ARAP2: variants seen among roughly 807,000 people sequenced by gnomAD.
The protein encoded by ARAP2 is arf-GAP with Rho-GAP domain, ANK repeat and PH domain-containing protein 2.
Under a neutral mutation model 194.5 loss-of-function variants are expected in ARAP2, and 148 were observed. The ratio of observed to expected loss-of-function variants is 0.76; its 90% confidence interval spans 0.67 to 0.87. The LOEUF (loss-of-function observed/expected upper bound fraction) is 0.87, where lower values mean the gene tolerates loss of function less well. Ranked by LOEUF, ARAP2 falls within the 40% of genes least tolerant of loss-of-function variation. The pLI is 0.00. For missense variants in ARAP2, 2,128 were observed against 1,989.7 expected (o/e 1.07, Z -1.32); for synonymous variants, 695 against 683.5 (o/e 1.02, Z -0.26).
chr4:36,210,809 T>C, intron 5 of ARAP2, 66 bp from the exon 6 acceptor site: 1 of 1,172,760 alleles, frequency 8.5e-7, no homozygotes, highest in Non-Finnish European at 1.2e-6. Context: ...AGTGACATTT[T>C]GAAAATTTAT....
At chr4:36,214,768 C>G (rs780629308) in intron 2 of ARAP2, among the ~76,000 whole-genome samples, 1 of 152,136 alleles carries the variant, frequency 6.6e-6, no homozygotes, top group African/African-American at 2.4e-5. Context: ...GTTTGCTACT[C>G]ACATCTATAA....
At chr4:36,145,921 C>A (rs768392533) in intron 19 of ARAP2, among the ~76,000 whole-genome samples, 1 of 151,916 alleles carries the variant, frequency 6.6e-6, no homozygotes, top group Non-Finnish European at 1.5e-5. Context: ...CAGATACAAC[C>A]TCTTCACTTA....
At chr4:36,063,796 A>G (rs1009579135), downstream of ARAP2, among the ~76,000 whole-genome samples, 1 of 152,192 alleles carries the variant, frequency 6.6e-6, no homozygotes, top group African/African-American at 2.4e-5. Flanking sequence ...AGTTCATTTG[A>G]GTAAGGAAGA....
intron 5 of ARAP2, among the ~76,000 whole-genome samples, chr4:36,019,527 T>G (rs990983054): frequency 1.1e-4 from 16 of 149,182 alleles, no homozygotes; most frequent in Non-Finnish European, 7.3e-5. Flanking sequence ...GATACAATTC[T>G]CCTCATCTTA....
At chr4:36,057,971 T>C (rs1157095480) in exon 2 of ARAP2, 1 of 151,554 alleles carries the variant, frequency 6.6e-6, no homozygotes, top group Non-Finnish European at 1.5e-5. Flanking sequence ...AGGATTTACC[T>C]TTCCATCTTC....
chr4:36,040,247 T>C (rs1560305529), intron 5 of ARAP2, among the ~76,000 whole-genome samples: 1 of 151,882 alleles, frequency 6.6e-6, no homozygotes, highest in Non-Finnish European at 1.5e-5. Flanking sequence ...GGCAAGAGAG[T>C]GGGATGAGCA....
At chr4:36,207,767 G>T (rs1471446983) in intron 6 of ARAP2, among the ~76,000 whole-genome samples, 1 of 151,782 alleles carries the variant, frequency 6.6e-6, no homozygotes, top group Non-Finnish European at 1.5e-5. Flanking sequence ...GTCTTTAAGG[G>T]GGAAACAATT....
At chr4:36,050,188 G>A (rs758282650) in intron 3 of ARAP2, among the ~76,000 whole-genome samples, 1 of 152,138 alleles carries the variant, frequency 6.6e-6, no homozygotes, top group Admixed American at 6.5e-5. Context: ...CCACAACAGT[G>A]TAATTATCCA....
chr4:36,035,855 T>G (rs924581569), intron 5 of ARAP2, among the ~76,000 whole-genome samples: 1 of 152,190 alleles, frequency 6.6e-6, no homozygotes, highest in South Asian at 2.1e-4. Context: ...TTTTTCCATA[T>G]GTCTGTCCAT....
At chr4:36,157,474 T>C (rs986947645) in intron 15 of ARAP2, 13 of 152,014 alleles carry the variant, frequency 8.6e-5, no homozygotes, top group Non-Finnish European at 1.9e-4. Flanking sequence ...ACCAAAAACA[T>C]CTAATTCAAA....
intron 27 of ARAP2, among the ~76,000 whole-genome samples, chr4:36,097,488 T>C (rs1715628273): frequency 6.6e-6 from 1 of 152,092 alleles, no homozygotes; most frequent in Non-Finnish European, 1.5e-5. Flanking sequence ...GGTCATGAAT[T>C]GAATGGCTTC....
chr4:36,067,113 G>C lies in ARAP2; in HGVS notation c.*794C>G, dbSNP rs1483561157. 2.0e-5 allele frequency: 3 copies of C among 152,260 alleles called. No individual in the cohort carries two copies. The East Asian group carries it at 5.8e-4, about 29-fold the overall frequency. 9.4% of individuals were successfully genotyped at this position (152,260 alleles called of 1,614,324 possible). On this transcript the variant is annotated 3_prime_UTR_variant, in exon 33 of 33. Coordinates refer to ENST00000303965, the MANE Select transcript of ARAP2 (RefSeq NM_015230.4). ...CTGTGTACACAACCTCTCCAATGCA[G>C]TGTAAGTTTCCTCTTAGCAGCCACC...
At chr4:36,014,336 A>AAGAG (rs200492604) in intron 8 of ARAP2, among the ~76,000 whole-genome samples, 6,027 of 85,616 alleles carry the variant, frequency 0.07, 754 homozygotes, top group African/African-American at 0.22. Context: ...GAAAGAAAGA[A>AAGAG]AGAAAGAAAG....
intron 27 of ARAP2, among the ~76,000 whole-genome samples, chr4:36,098,367 G>C (rs983752412): frequency 1.2e-4 from 18 of 151,818 alleles, no homozygotes; most frequent in African/African-American, 3.4e-4. Flanking sequence ...CTAATCCTTG[G>C]ATTTCAGAAT....
intron 24 of ARAP2, 72 bp downstream of exon 24, chr4:36,119,578 G>T: frequency 1.8e-6 from 2 of 1,088,922 alleles, no homozygotes; most frequent in Non-Finnish European, 2.7e-6. Flanking sequence ...AATACACACA[G>T]CAAATGTCTT....
intron 6 of ARAP2, among the ~76,000 whole-genome samples, chr4:36,016,965 A>T (rs537191367): frequency 8.5e-5 from 13 of 152,252 alleles, no homozygotes; most frequent in African/African-American, 3.1e-4. Context: ...TGACAAGGCC[A>T]CATTCATTCT....
chr4:36,158,750 G>A lies in ARAP2; in HGVS notation c.2732C>T (p.Ser911Leu). 1 of 1,606,600 alleles carries A rather than the reference G, an allele frequency of 6.2e-7. No individual in the cohort carries two copies. Among genetic ancestry groups the A allele is most frequent in the African/African-American group, 1.3e-5 (1 of 74,632 alleles). The change falls in exon 15 of 33, where the codon TCA becomes TTA. Residue 911 changes from serine to leucine, a missense_variant. By Grantham distance (145) the Ser-to-Leu change is moderately radical (BLOSUM62 -2). Coordinates refer to ENST00000303965, the MANE Select transcript of ARAP2 (RefSeq NM_015230.4). ...AATACCTTCAAGCAGTTTTTTCTCT[G>A]AAGAGAGTTTAGAAGCAGCAGAAGG... ...QAPSAASKLS[S>L]EKKLLEETNK...
At position 36,186,209 on chromosome 4, in the gene ARAP2, G is replaced by A. The variant is rs554940654; in HGVS notation, c.1678+1242C>T. On this transcript the variant is annotated intron_variant, in intron 8 of 32. Transcript: ENST00000303965. ...TAAGTTAAATACTAATTCTTAATGC[G>A]ATGGTATTATCTAAATTATTAAAAC... Among the ~76,000 whole-genome samples, 14 of 152,082 alleles carry A rather than the reference G, an allele frequency of 9.2e-5. No homozygotes were observed. In the South Asian group the frequency reaches 1.0e-3, roughly 11 times the overall value.
At chr4:36,192,777 A>G (rs1742212048) in intron 7 of ARAP2, among the ~76,000 whole-genome samples, 1 of 152,210 alleles carries the variant, frequency 6.6e-6, no homozygotes, top group African/African-American at 2.4e-5. Context: ...GCGGCAGATC[A>G]CTTGAGATCA....
Sources: allele counts gnomAD v4.1 joint callset (sites outside exome capture counted in the v4.1 genomes callset), GRCh38; gene constraint gnomAD v4.1.1; transcripts MANE v1.5; gene names NCBI Gene and HGNC (gene_info 2026-07-23, HGNC 2026-07-21).